The following TRAK1 variants were observed in gnomAD, a reference collection of about 807,000 sequenced individuals.
The protein encoded by TRAK1 is trafficking kinesin protein 1.
TRAK1 carries 33 observed loss-of-function variants against 92.1 expected under a neutral mutation model. The observed-to-expected ratio is 0.36, with a 90% confidence interval of 0.27 to 0.48. The LOEUF is 0.48. TRAK1 is among the 20% of genes least tolerant of loss of function. The probability of loss-of-function intolerance (pLI) is 0.99; values close to 1 mark genes in which losing one functional copy is unlikely to be tolerated. For synonymous variants in TRAK1, 521 were observed against 517.3 expected (o/e 1.01, Z -0.10); for missense variants, 1,123 against 1,257.9 (o/e 0.89, Z 1.62).
intron 2 of TRAK1, among the ~76,000 whole-genome samples, chr3:42,128,329 G>A (rs1180691874): frequency 6.6e-6 from 1 of 152,206 alleles, no homozygotes; most frequent in Non-Finnish European, 1.5e-5. Context: ...GATAAAACTG[G>A]AAGAACCAAA....
chr3:42,016,014 GCGA>G (rs2148874188), intron 1 of TRAK1, among the ~76,000 whole-genome samples: 1 of 152,108 alleles, frequency 6.6e-6, no homozygotes, highest in South Asian at 2.1e-4. Flanking sequence ...TTCAGCCAGG[GCGA>G]CAGAGCAAGA....
At chr3:42,148,968 A>G (rs1176549444) in intron 2 of TRAK1, among the ~76,000 whole-genome samples, 2 of 152,054 alleles carry the variant, frequency 1.3e-5, no homozygotes, top group East Asian at 3.9e-4. Context: ...CTTGAAGGTG[A>G]TGATGGTGCT....
At chr3:42,063,686 C>CAAA (rs57831151) in intron 1 of TRAK1, among the ~76,000 whole-genome samples, 1 of 107,240 alleles carries the variant, frequency 9.3e-6, no homozygotes. Flanking sequence ...ACTCTGTCTC[C>CAAA]AAAAAAAAAA....
At chr3:42,109,948 G>T (rs915955343) in intron 1 of TRAK1, among the ~76,000 whole-genome samples, 2 of 151,220 alleles carry the variant, frequency 1.3e-5, no homozygotes, top group Non-Finnish European at 2.9e-5. Context: ...ACCGGGGCCT[G>T]TCATGGGGTA....
At chr3:42,036,556 C>T (rs886762163) in intron 1 of TRAK1, among the ~76,000 whole-genome samples, 1 of 152,134 alleles carries the variant, frequency 6.6e-6, no homozygotes, top group African/African-American at 2.4e-5. Context: ...ATTTGTGAAC[C>T]TCTTGAAATC....
intron 2 of TRAK1, chr3:42,149,687 G>C: frequency 6.7e-7 from 1 of 1,502,936 alleles, no homozygotes; most frequent in South Asian, 1.2e-5. Context: ...CTTTAGGGGA[G>C]ACAGGCGGCT....
upstream of TRAK1, among the ~76,000 whole-genome samples, chr3:42,085,197 T>A (rs1377805517): frequency 6.6e-6 from 1 of 152,168 alleles, no homozygotes; most frequent in African/African-American, 2.4e-5. Flanking sequence ...AGGCAGAGTC[T>A]TGCTCTGTTG....
chr3:42,124,604 C>T (rs1710320401), intron 1 of TRAK1, among the ~76,000 whole-genome samples: 2 of 152,216 alleles, frequency 1.3e-5, no homozygotes, highest in Non-Finnish European at 2.9e-5. Context: ...GGGCCAAGAG[C>T]TATGGGGTAC....
At chr3:42,036,608 T>G (rs746072057) in intron 1 of TRAK1, among the ~76,000 whole-genome samples, 17 of 152,220 alleles carry the variant, frequency 1.1e-4, no homozygotes, top group Non-Finnish European at 1.5e-4. Context: ...AATTCCTGGG[T>G]CATGAGATAG....
chr3:42,218,073 G>A (rs1285201013), intron 14 of TRAK1: 37 of 985,170 alleles, frequency 3.8e-5, no homozygotes, highest in East Asian at 1.1e-4. Context: ...ACACAGACCC[G>A]AGTCAGACCT....
At chr3:42,180,640 C>G (rs1427035019) in intron 3 of TRAK1, among the ~76,000 whole-genome samples, 1 of 141,626 alleles carries the variant, frequency 7.1e-6, no homozygotes, top group Non-Finnish European at 1.5e-5. Flanking sequence ...AATTGTGCCA[C>G]TGCACTCCGG....
chr3:42,193,711 G>A (rs1706162270), intron 8 of TRAK1, 113 bp from the exon 9 acceptor site: 3 of 1,086,970 alleles, frequency 2.8e-6, no homozygotes, highest in African/African-American at 3.1e-5. Context: ...AGTATAAGAT[G>A]AGCATGTCCT....
At chr3:42,074,408 T>C (rs1247871552) in intron 1 of TRAK1, among the ~76,000 whole-genome samples, 5 of 152,156 alleles carry the variant, frequency 3.3e-5, no homozygotes, top group African/African-American at 1.2e-4. Context: ...AAAGAAGCTG[T>C]AAAATGGCAA....
chr3:42,025,729 C>T (rs1025059758), intron 1 of TRAK1, among the ~76,000 whole-genome samples: 2 of 152,148 alleles, frequency 1.3e-5, no homozygotes, highest in Non-Finnish European at 2.9e-5. Flanking sequence ...TGCCTTCTCT[C>T]TCTGGAGAAT....
intron 1 of TRAK1, among the ~76,000 whole-genome samples, chr3:42,056,527 A>C (rs1003372823): frequency 6.6e-6 from 1 of 152,216 alleles, no homozygotes; most frequent in African/African-American, 2.4e-5. Flanking sequence ...ATTTCAACAG[A>C]AGCAGAAATA....
At chr3:42,190,154 T>G (rs1705497828) in intron 6 of TRAK1, among the ~76,000 whole-genome samples, 1 of 152,170 alleles carries the variant, frequency 6.6e-6, no homozygotes, top group Admixed American at 6.5e-5. Flanking sequence ...TAGGTGCAAA[T>G]TTAGTACTGT....
intron 1 of TRAK1, among the ~76,000 whole-genome samples, chr3:42,015,377 T>A (rs1237729868): frequency 1.3e-5 from 2 of 152,100 alleles, no homozygotes; most frequent in Non-Finnish European, 1.5e-5. Context: ...GTTTCCTGTT[T>A]GATGCCCCAG....
upstream of TRAK1, among the ~76,000 whole-genome samples, chr3:42,090,546 C>T (rs532154731): frequency 1.1e-4 from 16 of 152,278 alleles, no homozygotes; most frequent in African/African-American, 3.4e-4. Context: ...ACTAGCCAGG[C>T]ATGGTGACGG....
intron 14 of TRAK1, chr3:42,212,215 C>A (rs1477350149): frequency 2.0e-6 from 2 of 985,454 alleles, no homozygotes; most frequent in East Asian, 1.1e-4. Flanking sequence ...ATGGGGCATC[C>A]TCTGTCTTGG....
Sources: gnomAD v4.1 joint callset for allele counts (sites outside exome capture counted in the v4.1 genomes callset) on GRCh38, gnomAD v4.1.1 for gene constraint, MANE v1.5 for transcripts, NCBI Gene and HGNC (gene_info 2026-07-23, HGNC 2026-07-21) for gene names.